The following TEC variants were observed in gnomAD, a reference collection of about 807,000 sequenced individuals.
TEC encodes tyrosine-protein kinase Tec.
A neutral mutation model predicts 93.0 loss-of-function variants in TEC; 72 were observed. That is an observed-to-expected ratio of 0.77 (90% confidence interval 0.64 to 0.94). The LOEUF (loss-of-function observed/expected upper bound fraction) is 0.94. Among genes scored for constraint, TEC ranks in the 40% least tolerant of loss-of-function variants. TEC has a pLI of 0.00. For missense variants in TEC, 630 were observed against 757.9 expected (o/e 0.83, Z 1.98); for synonymous variants, 249 against 247.7 (o/e 1.01, Z -0.05).
chr4:48,149,471 A>G (rs1560375950), intron 11 of TEC, 86 bp downstream of exon 11: 1 of 1,349,810 alleles, frequency 7.4e-7, no homozygotes, highest in Non-Finnish European at 9.8e-7. Context: ...TAACTATAAA[A>G]TAAAACTGCT....
intron 1 of TEC, among the ~76,000 whole-genome samples, chr4:48,262,630 A>G: frequency 6.6e-6 from 1 of 152,156 alleles, no homozygotes; most frequent in South Asian, 2.1e-4. Context: ...TTACAGAAAA[A>G]CTATACTGCC....
chr4:48,180,086 C>G (rs985491199), intron 2 of TEC, among the ~76,000 whole-genome samples: 2 of 152,096 alleles, frequency 1.3e-5, no homozygotes, highest in African/African-American at 4.8e-5. Context: ...CTTATGTCCC[C>G]TAAATTCATA....
chr4:48,242,573 A>T (rs1380216592), intron 1 of TEC, among the ~76,000 whole-genome samples: 1 of 152,224 alleles, frequency 6.6e-6, no homozygotes, highest in Non-Finnish European at 1.5e-5. Flanking sequence ...GGACCATTGT[A>T]TATTCATTTG....
chr4:48,170,146 G>T, intron 5 of TEC, 102 bp downstream of exon 5: 2 of 987,280 alleles, frequency 2.0e-6, no homozygotes, highest in South Asian at 2.0e-5. Flanking sequence ...CACTGTACTA[G>T]AAAGTGTGCT....
At chr4:48,199,018 C>T (rs1383032061) in intron 2 of TEC, among the ~76,000 whole-genome samples, 6 of 151,990 alleles carry the variant, frequency 3.9e-5, no homozygotes, top group African/African-American at 7.2e-5. Flanking sequence ...AATATTCTAT[C>T]GGCCAGAGGC....
intron 7 of TEC, among the ~76,000 whole-genome samples, chr4:48,164,075 G>C (rs957278821): frequency 2.6e-5 from 4 of 152,084 alleles, no homozygotes; most frequent in Non-Finnish European, 5.9e-5. Context: ...CCAGCAACAG[G>C]GCCAGAACTC....
chr4:48,170,307 C>T lies in TEC; in HGVS notation c.395G>A (p.Cys132Tyr). The T allele has an allele frequency of 1.3e-6, 2 of 1,566,208 alleles. No homozygotes were observed. Among genetic ancestry groups the T allele is most frequent in the Admixed American group, 3.3e-5 (2 of 59,816 alleles). ...PKFWTDGSYQCCRQTEKLAPG... is the reference protein window; with the variant it reads ...PKFWTDGSYQYCRQTEKLAPG... ...TGCTAATTTTTCAGTTTGTCTACAACACTGATAACTTCCATCTGTCCAGAA... is the reference window on the plus strand; with the variant it reads ...TGCTAATTTTTCAGTTTGTCTACAATACTGATAACTTCCATCTGTCCAGAA... The change falls in exon 5 of 18, where the codon TGT becomes TAT. Residue 132 changes from cysteine to tyrosine, a missense_variant. Physicochemically the swap from Cys to Tyr is radical, Grantham distance 194. Coordinates refer to ENST00000381501, the MANE Select transcript of TEC (RefSeq NM_003215.3).
intron 2 of TEC, among the ~76,000 whole-genome samples, chr4:48,216,244 G>GAAA (rs11332952): frequency 8.4e-4 from 115 of 136,302 alleles, no homozygotes; most frequent in Middle Eastern, 3.8e-3. Flanking sequence ...TACGCCCCAG[G>GAAA]AAAAAAAAAA....
chr4:48,141,671 TTTTTC>T lies in TEC; in HGVS notation c.1471-257_1471-253del, dbSNP rs1457610814. Reference sequence around the variant, plus strand: ...CATAATCTTTACCAATTGTCTTTTTTTTTTCTTTTCTTTCTTTTTTTTTTTTTTGA... The same window carrying T: ...CATAATCTTTACCAATTGTCTTTTTTTTTTCTTTCTTTTTTTTTTTTTTGA... On this transcript the variant is annotated intron_variant, in intron 14 of 17. Transcript: ENST00000381501. The T allele has an allele frequency of 1.4e-5, 5 of 362,044 alleles. No individual in the cohort carries two copies. The South Asian group carries it at 2.6e-4, about 19-fold the overall frequency. The allele number at this position is 362,044 out of a possible 1,614,324, so 22.4% of individuals were successfully genotyped here.
At chr4:48,193,979 A>G (rs1387059856) in intron 2 of TEC, among the ~76,000 whole-genome samples, 2 of 152,198 alleles carry the variant, frequency 1.3e-5, no homozygotes, top group Non-Finnish European at 2.9e-5. Flanking sequence ...CAAGTAATCC[A>G]AATACGCAAT....
intron 2 of TEC, among the ~76,000 whole-genome samples, chr4:48,199,455 C>CTTTTCTTTTTTTTTTTTTTTT (rs1722415831): frequency 1.5e-5 from 1 of 67,360 alleles, no homozygotes; most frequent in Non-Finnish European, 2.6e-5. Flanking sequence ...GATTTTCTTT[C>CTTTTCTTTTTTTTTTTTTTTT]TTTTTTTTTT....
At chr4:48,212,030 C>T (rs1409784131) in intron 2 of TEC, among the ~76,000 whole-genome samples, 2 of 146,308 alleles carry the variant, frequency 1.4e-5, no homozygotes, top group Middle Eastern at 3.6e-3. Flanking sequence ...ACCCCGGAGG[C>T]GGAGGCTACA....
intron 9 of TEC, among the ~76,000 whole-genome samples, chr4:48,154,813 C>A (rs1385433303): frequency 6.6e-6 from 1 of 152,110 alleles, no homozygotes; most frequent in Non-Finnish European, 1.5e-5. Context: ...TAATACAACA[C>A]TATTGAAGGT....
intron 9 of TEC, 73 bp downstream of exon 9, chr4:48,156,607 T>C: frequency 7.6e-7 from 1 of 1,322,372 alleles, no homozygotes; most frequent in South Asian, 1.3e-5. Context: ...AAGAGAGATA[T>C]GTGGAACTAC....
intron 2 of TEC, among the ~76,000 whole-genome samples, chr4:48,202,778 GC>G (rs1722575385): frequency 6.6e-6 from 1 of 152,256 alleles, no homozygotes; most frequent in African/African-American, 2.4e-5. Context: ...ATGCTCACTT[GC>G]CCAGCATCAT....
In TEC at chr4:48,201,952, A is replaced by ATTT. The variant is rs780630248; in HGVS notation, c.139-25769_139-25767dup. On this transcript the variant is annotated intron_variant, in intron 2 of 17. Coordinates refer to ENST00000381501, the MANE Select transcript of TEC (RefSeq NM_003215.3). ...GCCAGATTCCAAAGTACTGTGGCTTATTTTTTTTTTTTTTTTTTTTTTGAG... is the reference window on the plus strand; with the variant it reads ...GCCAGATTCCAAAGTACTGTGGCTTATTTTTTTTTTTTTTTTTTTTTTTTTGAG... 8.5e-4 allele frequency among the ~76,000 whole-genome samples: 99 copies of ATTT among 116,502 alleles called. 2 individuals are homozygous for ATTT. The highest frequency in any genetic ancestry group is 3.1e-3 in the East Asian group (13 of 4,212). 76.4% of individuals were successfully genotyped at this position (116,502 alleles called of 152,430 possible).
rs746326176 is a variant in TEC, at chr4:48,145,492, C to T, written c.1169G>A (p.Arg390Gln). The T allele has an allele frequency of 7.4e-6, 12 of 1,613,962 alleles. No individual in the cohort carries two copies. The highest frequency in any genetic ancestry group is 1.1e-5 in the South Asian group (1 of 91,086). Residue 390 changes from arginine to glutamine, a missense_variant, in exon 13 of 18, where the codon CGA becomes CAA. Arg to Gln is a conservative substitution (Grantham distance 43). Transcript: ENST00000381501. The part of the protein sequence containing the change: ...LFGVVRLGKW[R>Q]AQYKVAIKAI... Reference sequence around the variant, plus strand: ...TTTGATTGCGACTTTGTACTGGGCTCGCCATTTGCCAAGCCTCACCACTCC... The same window carrying T: ...TTTGATTGCGACTTTGTACTGGGCTTGCCATTTGCCAAGCCTCACCACTCC...
intron 2 of TEC, among the ~76,000 whole-genome samples, chr4:48,209,286 T>G (rs1210655666): frequency 6.6e-6 from 1 of 152,154 alleles, no homozygotes; most frequent in East Asian, 1.9e-4. Context: ...TATGTCTCTA[T>G]GTAACAGTCA....
At chr4:48,222,615 C>T (rs1056747490) in intron 2 of TEC, among the ~76,000 whole-genome samples, 4 of 152,052 alleles carry the variant, frequency 2.6e-5, no homozygotes, top group African/African-American at 9.7e-5. Flanking sequence ...CCAATGTGAG[C>T]AGGCATCATC....
Sources: gnomAD v4.1 joint callset for allele counts (sites outside exome capture counted in the v4.1 genomes callset) on GRCh38, gnomAD v4.1.1 for gene constraint, MANE v1.5 for transcripts, NCBI Gene and HGNC (gene_info 2026-07-23, HGNC 2026-07-21) for gene names.